Variants in PCDHA10 observed in about 807,000 individuals in gnomAD.
PCDHA10 encodes the protein protocadherin alpha-10.
In PCDHA10, 45 loss-of-function variants were observed where a neutral mutation model predicts 61.2. The ratio of observed to expected loss-of-function variants is 0.74; its 90% CI spans 0.58 to 0.94. PCDHA10 has a LOEUF of 0.94. Ranked by LOEUF, PCDHA10 falls within the 40% of genes least tolerant of loss-of-function variation. PCDHA10 has a pLI of 0.00. For missense variants in PCDHA10, 1,278 were observed against 1,236.2 expected, an observed-to-expected ratio of 1.03 and a Z score of -0.51; for synonymous variants, 602 against 548.8, an observed-to-expected ratio of 1.10 and a Z score of -1.35.
At chr5:140,969,957 G>A (rs1554232176) in intron 1 of PCDHA10, among the ~76,000 whole-genome samples, 1 of 152,178 alleles carries the variant, frequency 6.6e-6, no homozygotes, top group East Asian at 1.9e-4. Flanking sequence ...AGTTTGCTTT[G>A]GCTGTATGAT....
At chr5:140,862,618 C>CCG in intron 1 of PCDHA10, 1 of 526,556 alleles carries the variant, frequency 1.9e-6, no homozygotes, top group Non-Finnish European at 3.9e-6. Context: ...AGGTAACAAC[C>CCG]CGCGGGGCTG....
At chr5:140,951,746 C>A (rs2094627797) in intron 1 of PCDHA10, among the ~76,000 whole-genome samples, 1 of 152,128 alleles carries the variant, frequency 6.6e-6, no homozygotes, top group African/African-American at 2.4e-5. Flanking sequence ...ACTGCCCTCA[C>A]CCTCCGCGAA....
Position 140,978,929 on chromosome 5 carries a change from C to T in PCDHA10, c.2389-20C>T. 6.2e-7 allele frequency: 1 copy of T among 1,613,998 alleles called. No homozygotes were observed. Among genetic ancestry groups the T allele is most frequent in the Non-Finnish European group, 8.5e-7 (1 of 1,179,996 alleles). On this transcript the variant is annotated intron_variant, in intron 1 of 3. Coordinates refer to ENST00000307360, the MANE Select transcript of PCDHA10 (RefSeq NM_018901.4). ...ATTGTCTTGTCATTTTAACAGAAAACTCTCTTTGTGATTTTGCAGCCACGA... is the reference window on the plus strand; with the variant it reads ...ATTGTCTTGTCATTTTAACAGAAAATTCTCTTTGTGATTTTGCAGCCACGA...
Position 140,856,821 on chromosome 5 carries a change from C to G in PCDHA10, c.773C>G (p.Thr258Arg), listed in dbSNP as rs1554149155. ...ATGTATGAAAATCAAGTGAACCAAA[C>G]ATTAGTAATACGGCTCAACGCTTCT... is the stretch of plus-strand genomic sequence containing the variant. ...VKMYENQVNQ[T>R]LVIRLNASDS... Residue 258 changes from threonine (T) to arginine (R), a missense_variant, in exon 1 of 4, where the codon ACA becomes AGA. Transcript: ENST00000307360. 2.5e-6 allele frequency: 4 copies of G among 1,592,396 alleles called. 1 individual carries two copies. The South Asian group carries it at 4.4e-5, about 18-fold the overall frequency.
At chr5:140,966,678 C>G (rs2096036369) in intron 1 of PCDHA10, 8 of 1,313,236 alleles carry the variant, frequency 6.1e-6, no homozygotes, top group Non-Finnish European at 2.9e-6. Context: ...CAGGGTGGCA[C>G]GAGCGGAGGC....
At chr5:140,967,142 C>T in intron 1 of PCDHA10, 1 of 1,611,304 alleles carries the variant, frequency 6.2e-7, no homozygotes, top group Non-Finnish European at 8.5e-7. Flanking sequence ...AGTGCTGGCG[C>T]ACAACCCCGT....
chr5:140,871,522 A>T, intron 1 of PCDHA10: 1 of 1,549,186 alleles, frequency 6.5e-7, no homozygotes, highest in Non-Finnish European at 8.7e-7. Flanking sequence ...TCCACCTATC[A>T]GGAAGTGTAT....
intron 1 of PCDHA10, among the ~76,000 whole-genome samples, chr5:140,953,290 A>G (rs1554220852): frequency 1.3e-5 from 2 of 152,124 alleles, no homozygotes; most frequent in Admixed American, 6.6e-5. Context: ...TATGTGATTC[A>G]GGGACGGCAG....
At chr5:140,862,618 C>T in intron 1 of PCDHA10, 1 of 526,556 alleles carries the variant, frequency 1.9e-6, no homozygotes, top group East Asian at 5.1e-5. Context: ...AGGTAACAAC[C>T]CGCGGGGCTG....
chr5:140,918,955 T>G lies in PCDHA10; in HGVS notation c.2389-59994T>G, dbSNP rs904506594. Among the ~76,000 whole-genome samples, 3 of 152,258 alleles carry G rather than the reference T, an allele frequency of 2.0e-5. 1 individual carries two copies. Among genetic ancestry groups the G allele is most frequent in the African/African-American group, 7.2e-5 (3 of 41,472 alleles). ...TTTTGTTATAATATCCTGAACAGAC[T>G]AAGACAGATATCGTTTAGGTTAGTT... On this transcript the variant is annotated intron_variant, in intron 1 of 3. Transcript: ENST00000307360.
chr5:140,874,167 T>C lies in PCDHA10; in HGVS notation c.2388+15731T>C, dbSNP rs910574514. On this transcript the variant is annotated intron_variant, in intron 1 of 3. Coordinates refer to ENST00000307360, the MANE Select transcript of PCDHA10 (RefSeq NM_018901.4). ...TGTAGAGCCATTCTTGGTTACTCTTTCCTGGTGTTGTAAAGGTGTCATATT... is the reference window on the plus strand; with the variant it reads ...TGTAGAGCCATTCTTGGTTACTCTTCCCTGGTGTTGTAAAGGTGTCATATT... 4.6e-5 allele frequency among the ~76,000 whole-genome samples: 7 copies of C among 152,340 alleles called. No homozygotes were observed. The East Asian group carries it at 1.2e-3, about 25-fold the overall frequency.
chr5:140,871,143 G>C (rs2052747767), intron 1 of PCDHA10: 1 of 1,613,356 alleles, frequency 6.2e-7, no homozygotes, highest in South Asian at 1.1e-5. Context: ...CCTCTTCCCG[G>C]ACTTTGGCGG....
intron 1 of PCDHA10, among the ~76,000 whole-genome samples, chr5:140,919,753 T>C (rs1386045187): frequency 6.6e-6 from 1 of 152,212 alleles, no homozygotes; most frequent in Non-Finnish European, 1.5e-5. Flanking sequence ...ATTTCTCTTC[T>C]GCCTTTTGTA....
In PCDHA10 at chr5:140,883,232, G is replaced by C. The variant is rs782490836; in HGVS notation, c.2388+24796G>C. 3 of 1,613,952 alleles carry C rather than the reference G, an allele frequency of 1.9e-6. No individual in the cohort carries two copies. The Admixed American group carries it at 5.0e-5, about 27-fold the overall frequency. On this transcript the variant is annotated intron_variant, in intron 1 of 3. Transcript: ENST00000307360. ...GAAATTATATGAAATATCCGTGGAGGCAGTTGACAAAGGAAATATTCCAAT... is the reference window on the plus strand; with the variant it reads ...GAAATTATATGAAATATCCGTGGAGCCAGTTGACAAAGGAAATATTCCAAT...
chr5:140,895,772 C>T (rs1554186642), intron 1 of PCDHA10, among the ~76,000 whole-genome samples: 1 of 152,072 alleles, frequency 6.6e-6, no homozygotes, highest in Non-Finnish European at 1.5e-5. Flanking sequence ...TTTATGGCTG[C>T]ATAGTATTCA....
chr5:140,856,983 G>A lies in PCDHA10; in HGVS notation c.935G>A (p.Ser312Asn). ...AATGATGCTATTGACTTTGAGGACA[G>A]TAACACTTATGAAATTCATGTAGAT... ...KVNDAIDFED[S>N]NTYEIHVDVT... Residue 312 changes from serine (S) to asparagine (N), a missense_variant, in exon 1 of 4, where the codon AGT becomes AAT. Coordinates refer to ENST00000307360, the MANE Select transcript of PCDHA10 (RefSeq NM_018901.4). 1 of 1,595,186 alleles carries A rather than the reference G, an allele frequency of 6.3e-7. No individual in the cohort carries two copies. Among genetic ancestry groups the A allele is most frequent in the Non-Finnish European group, 8.6e-7 (1 of 1,164,998 alleles).
At chr5:140,969,146 AAGGCCTGTCTGACAGC>A in intron 1 of PCDHA10, 1 of 1,614,170 alleles carries the variant, frequency 6.2e-7, no homozygotes, top group Non-Finnish European at 8.5e-7. Flanking sequence ...CTACTGCTAC[AAGGCCTGTCTGACAGC>A]AGGCTCAGGG....
chr5:140,971,236 G>A (rs1384010579), intron 1 of PCDHA10, among the ~76,000 whole-genome samples: 2 of 152,088 alleles, frequency 1.3e-5, no homozygotes, highest in East Asian at 3.9e-4. Flanking sequence ...AAAGCTTGGG[G>A]CAATTTGATA....
intron 1 of PCDHA10, chr5:140,859,327 AAAT>A (rs2045812871): frequency 7.8e-6 from 1 of 128,784 alleles, no homozygotes; most frequent in Non-Finnish European, 1.8e-5. Flanking sequence ...TTTGAGGAGA[AAAT>A]AAAATTAATG....
Sources: gnomAD v4.1 joint callset for allele counts (sites outside exome capture counted in the v4.1 genomes callset) on GRCh38, gnomAD v4.1.1 for gene constraint, MANE v1.5 for transcripts, NCBI Gene and HGNC (gene_info 2026-07-23, HGNC 2026-07-21) for gene names.